Variants in CCDC192 observed in about 807,000 individuals in gnomAD.
CCDC192 encodes coiled-coil domain-containing protein 192.
chr5:127,932,105 G>A (rs1486756238), intron 6 of CCDC192, among the ~76,000 whole-genome samples: 1 of 147,626 alleles, frequency 6.8e-6, no homozygotes, highest in African/African-American at 2.5e-5. Flanking sequence ...AGTGATCCGA[G>A]ATCGTGCCAC....
At chr5:127,743,678 G>A (rs1340351076) in intron 2 of CCDC192, among the ~76,000 whole-genome samples, 4 of 152,120 alleles carry the variant, frequency 2.6e-5, no homozygotes, top group Non-Finnish European at 4.4e-5. Context: ...CATCTTCTTA[G>A]GTGACTATTG....
At chr5:127,810,509 A>G (rs1034170470) in intron 5 of CCDC192, among the ~76,000 whole-genome samples, 2 of 152,186 alleles carry the variant, frequency 1.3e-5, no homozygotes, top group South Asian at 2.1e-4. Context: ...AGAGGGGAAT[A>G]TGGATTTTTG....
intron 5 of CCDC192, among the ~76,000 whole-genome samples, chr5:127,863,192 T>G (rs1460671345): frequency 6.6e-6 from 1 of 152,236 alleles, no homozygotes; most frequent in Non-Finnish European, 1.5e-5. Flanking sequence ...TTGTAATTAT[T>G]GTGCTACCAT....
intron 2 of CCDC192, among the ~76,000 whole-genome samples, chr5:127,730,152 G>C (rs1308532085): frequency 6.6e-6 from 1 of 151,060 alleles, no homozygotes; most frequent in African/African-American, 2.4e-5. Flanking sequence ...AAAAGAGAGA[G>C]GAATCAAATA....
At chr5:127,928,259 C>G (rs1273932156) in intron 6 of CCDC192, among the ~76,000 whole-genome samples, 1 of 152,140 alleles carries the variant, frequency 6.6e-6, no homozygotes, top group Non-Finnish European at 1.5e-5. Flanking sequence ...GGTCAAAAGT[C>G]CAACAGGTGT....
intron 2 of CCDC192, among the ~76,000 whole-genome samples, chr5:127,708,926 A>T (rs553274845): frequency 6.6e-6 from 1 of 152,024 alleles, no homozygotes; most frequent in African/African-American, 2.4e-5. Context: ...TCGCACCACT[A>T]TAAAGAGATA....
chr5:127,927,874 C>T (rs1168616303), intron 6 of CCDC192, among the ~76,000 whole-genome samples: 1 of 151,116 alleles, frequency 6.6e-6, no homozygotes, highest in Non-Finnish European at 1.5e-5. Flanking sequence ...TTTCCTGTTG[C>T]TGCTATGACA....
chr5:127,883,023 A>C (rs1752418025), intron 6 of CCDC192, among the ~76,000 whole-genome samples: 1 of 152,204 alleles, frequency 6.6e-6, no homozygotes, highest in Non-Finnish European at 1.5e-5. Context: ...TGGTCTTGGA[A>C]TTTCACTGTT....
chr5:127,894,891 C>T (rs1186751652), intron 6 of CCDC192, among the ~76,000 whole-genome samples: 1 of 152,240 alleles, frequency 6.6e-6, no homozygotes, highest in Non-Finnish European at 1.5e-5. Context: ...GCAATAGTCT[C>T]AACCATTTAA....
At chr5:127,869,530 A>G (rs560146965) in intron 5 of CCDC192, among the ~76,000 whole-genome samples, 4 of 152,190 alleles carry the variant, frequency 2.6e-5, no homozygotes, top group African/African-American at 9.7e-5. Flanking sequence ...AGAAAGTTCT[A>G]TCTTATCACT....
chr5:127,893,644 C>T (rs1032425556), intron 6 of CCDC192, among the ~76,000 whole-genome samples: 2 of 152,172 alleles, frequency 1.3e-5, no homozygotes, highest in African/African-American at 4.8e-5. Context: ...ACTAACTTGT[C>T]CAGAACATCA....
chr5:127,731,393 A>T (rs1317410381), intron 2 of CCDC192, among the ~76,000 whole-genome samples: 2 of 152,234 alleles, frequency 1.3e-5, no homozygotes, highest in African/African-American at 2.4e-5. Context: ...AAAACATTCC[A>T]TGCTCACAGA....
At chr5:127,921,932 G>A (rs1403053695) in intron 6 of CCDC192, among the ~76,000 whole-genome samples, 3 of 152,160 alleles carry the variant, frequency 2.0e-5, no homozygotes, top group African/African-American at 7.2e-5. Context: ...ATTAAACATT[G>A]TCGTGCACTA....
chr5:127,863,843 C>T (rs1384699798), intron 5 of CCDC192, among the ~76,000 whole-genome samples: 1 of 152,170 alleles, frequency 6.6e-6, no homozygotes, highest in East Asian at 1.9e-4. Context: ...GTAGAGGTCA[C>T]TTTCAACTTT....
intron 2 of CCDC192, among the ~76,000 whole-genome samples, chr5:127,718,914 A>G (rs1554068037): frequency 6.6e-6 from 1 of 151,938 alleles, no homozygotes; most frequent in Admixed American, 6.6e-5. Flanking sequence ...ATCCAATTAT[A>G]CTCTTTTAGT....
At chr5:127,786,248 C>T (rs1756528999) in intron 3 of CCDC192, 1 of 696,600 alleles carries the variant, frequency 1.4e-6, no homozygotes, top group Non-Finnish European at 2.7e-6. Context: ...TCCTGAAGCA[C>T]ACAAGCCTCT....
At chr5:127,744,112 A>G (rs867425933) in intron 2 of CCDC192, among the ~76,000 whole-genome samples, 6 of 65,162 alleles carry the variant, frequency 9.2e-5, no homozygotes, top group African/African-American at 1.7e-4. Context: ...AAAAAAAAGG[A>G]AAAAAAAAAA....
chr5:127,749,569 A>G (rs1371779351), intron 2 of CCDC192, among the ~76,000 whole-genome samples: 2 of 151,846 alleles, frequency 1.3e-5, no homozygotes, highest in African/African-American at 4.8e-5. Context: ...TTGTTCTAAA[A>G]TTCTCTTTTT....
chr5:127,823,997 C>T (rs779017919), intron 5 of CCDC192, among the ~76,000 whole-genome samples: 15 of 152,158 alleles, frequency 9.9e-5, no homozygotes, highest in Admixed American at 2.0e-4. Flanking sequence ...TGTGTGTGCA[C>T]CTCCACCCAA....
Sources: allele counts gnomAD v4.1 joint callset (sites outside exome capture counted in the v4.1 genomes callset), GRCh38; gene constraint gnomAD v4.1.1; transcripts MANE v1.5; gene names NCBI Gene and HGNC (gene_info 2026-07-23, HGNC 2026-07-21).